Variants in CAPN1 observed in about 807,000 individuals in gnomAD.
The protein encoded by CAPN1 is calpain 1.
Under a neutral mutation model 105.2 loss-of-function variants are expected in CAPN1, and 77 were observed. The ratio of observed to expected loss-of-function variants is 0.73; its 90% CI spans 0.61 to 0.88. CAPN1 has a LOEUF of 0.88. Ranked by LOEUF, CAPN1 falls within the 40% of genes least tolerant of loss-of-function variation. The probability of loss-of-function intolerance (pLI) is 0.00; values close to 1 mark genes in which losing one functional copy is unlikely to be tolerated. For missense variants in CAPN1, 833 were observed against 976.6 expected (o/e 0.85, Z 1.96); for synonymous variants, 355 against 388.8 (o/e 0.91, Z 1.02).
At chr11:65,202,105 G>A (rs527642948) in intron 10 of CAPN1, among the ~76,000 whole-genome samples, 7 of 152,152 alleles carry the variant, frequency 4.6e-5, no homozygotes, top group South Asian at 2.1e-4. Flanking sequence ...GATTACAGGC[G>A]TGAGCCACTG....
intron 4 of CAPN1, among the ~76,000 whole-genome samples, chr11:65,184,564 G>A (rs964720496): frequency 3.7e-5 from 5 of 133,616 alleles, no homozygotes; most frequent in African/African-American, 1.4e-4. Flanking sequence ...CTTCGGCCCC[G>A]ACCCTGCCCT....
At chr11:65,187,604 G>T in intron 7 of CAPN1, 1 of 491,956 alleles carries the variant, frequency 2.0e-6, no homozygotes, top group Non-Finnish European at 3.7e-6. Context: ...GTGCGTGCAT[G>T]GGCCAGGTGC....
At chr11:65,199,520 C>G (rs959690360) in intron 10 of CAPN1, among the ~76,000 whole-genome samples, 1 of 152,166 alleles carries the variant, frequency 6.6e-6, no homozygotes, top group African/African-American at 2.4e-5. Context: ...AGAATATCAC[C>G]TCCTTCCCAC....
At chr11:65,181,684 C>T (rs532781711), upstream of CAPN1, 10 of 324,234 alleles carry the variant, frequency 3.1e-5, no homozygotes, top group South Asian at 8.4e-5. This position sits in a 1 kb window ranked among gnomAD's most constrained non-coding sequence, Gnocchi z 4.6. Flanking sequence ...CCCATCCCCC[C>T]CCGCGCTGGC....
chr11:65,189,393 C>T (rs945063122), intron 10 of CAPN1, among the ~76,000 whole-genome samples: 1 of 152,148 alleles, frequency 6.6e-6, no homozygotes, highest in Non-Finnish European at 1.5e-5. Flanking sequence ...ACAGCCTGGC[C>T]TCTCAGTTCC....
At chr11:65,211,029 G>T (rs891105247) in intron 21 of CAPN1, 157 bp downstream of exon 21, 3 of 776,928 alleles carry the variant, frequency 3.9e-6, no homozygotes, top group Non-Finnish European at 4.3e-6. Context: ...TGGGGTGGGG[G>T]TGTCTGGATT....
chr11:65,198,607 C>A (rs759234338), intron 10 of CAPN1, among the ~76,000 whole-genome samples: 3 of 152,110 alleles, frequency 2.0e-5, no homozygotes, highest in Non-Finnish European at 2.9e-5. Flanking sequence ...TTTGAGATAG[C>A]CCATGTTATT....
At chr11:65,207,596 G>C (rs979580676) in intron 14 of CAPN1, among the ~76,000 whole-genome samples, 1 of 151,840 alleles carries the variant, frequency 6.6e-6, no homozygotes, top group Non-Finnish European at 1.5e-5. Context: ...GGGCAGGAAC[G>C]AGATTCCCTT....
rs1266644320 is a variant in CAPN1, at chr11:65,183,115, G to A, written c.268-13G>A. On this transcript the variant is annotated splice_polypyrimidine_tract_variant and intron_variant, in intron 2 of 21. Coordinates refer to ENST00000279247, the MANE Select transcript of CAPN1 (RefSeq NM_005186.4). ...GGGGCTGGCCGAGGAACAGGACTCT[G>A]GGTCTCTCGTAGGAACTGCTGTCAA... is the stretch of plus-strand genomic sequence containing the variant. 11 of 1,613,592 alleles carry A rather than the reference G, an allele frequency of 6.8e-6. No individual in the cohort carries two copies. The highest frequency in any genetic ancestry group is 2.7e-5 in the African/African-American group (2 of 74,876).
At chr11:65,195,142 CT>C (rs1279968653) in intron 10 of CAPN1, among the ~76,000 whole-genome samples, 1 of 124,002 alleles carries the variant, frequency 8.1e-6, no homozygotes, top group Non-Finnish European at 1.6e-5. Context: ...CTGGATCTTG[CT>C]CTATCACCTA....
chr11:65,187,857 A>C (rs1303983554), intron 7 of CAPN1, 98 bp from the exon 8 acceptor site: 4 of 807,140 alleles, frequency 5.0e-6, no homozygotes, highest in Non-Finnish European at 8.3e-6. Context: ...GCACCACTGC[A>C]CTCCAGCCTG....
chr11:65,187,118 G>C, intron 6 of CAPN1, 97 bp from the exon 7 acceptor site: 1 of 822,332 alleles, frequency 1.2e-6, no homozygotes, highest in Non-Finnish European at 2.0e-6. Context: ...ACTGTTGTAT[G>C]TGCAAGTGGG....
chr11:65,192,984 CTTTT>C (rs769999096), intron 10 of CAPN1, among the ~76,000 whole-genome samples: 1 of 141,010 alleles, frequency 7.1e-6, no homozygotes, highest in African/African-American at 2.6e-5. Flanking sequence ...TTAATATACT[CTTTT>C]TTTTTTTTTT....
intron 4 of CAPN1, 64 bp from the exon 5 acceptor site, chr11:65,185,853 G>GCTT: frequency 6.6e-7 from 1 of 1,517,522 alleles, no homozygotes; most frequent in Non-Finnish European, 8.9e-7. Flanking sequence ...GAAGGTAGGG[G>GCTT]TAAGGATGGA....
chr11:65,184,836 A>G (rs1037757128), intron 4 of CAPN1, among the ~76,000 whole-genome samples: 4 of 152,166 alleles, frequency 2.6e-5, no homozygotes, highest in African/African-American at 9.7e-5. Flanking sequence ...GTGACTCCCT[A>G]AAGGCTTTGC....
chr11:65,195,719 A>G (rs1382345739), intron 10 of CAPN1, among the ~76,000 whole-genome samples: 2 of 152,072 alleles, frequency 1.3e-5, no homozygotes, highest in East Asian at 3.8e-4. Context: ...TGGTGTCTTT[A>G]TCTGGCTTTA....
intron 1 of CAPN1, 165 bp from the exon 2 acceptor site, chr11:65,182,536 C>A: frequency 1.5e-6 from 1 of 663,232 alleles, no homozygotes; most frequent in Non-Finnish European, 2.4e-6. Flanking sequence ...CTGGGAGCAC[C>A]GGGAGGTGGC....
In CAPN1 at chr11:65,187,971, A is replaced by G; in HGVS notation, c.860A>G (p.Gln287Arg). The G allele has an allele frequency of 6.4e-7, 1 of 1,561,134 alleles. No homozygotes were observed. Among genetic ancestry groups the G allele is most frequent in the East Asian group, 2.4e-5 (1 of 41,442 alleles). The stretch of plus-strand genomic sequence containing the variant: ...GGCAAATAGGTGAACTACCGAGGCC[A>G]GGTGGTGAGCCTGATCCGGATGCGG... ...TGAKQVNYRG[Q>R]VVSLIRMRNP... The change falls in exon 8 of 22, where the codon CAG becomes CGG. Residue 287 changes from glutamine (Q) to arginine (R), a missense_variant. Physicochemically the swap from Gln to Arg is conservative, Grantham distance 43 (BLOSUM62 1). Coordinates refer to ENST00000279247, the MANE Select transcript of CAPN1 (RefSeq NM_005186.4).
At chr11:65,186,377 C>T in intron 6 of CAPN1, 39 bp downstream of exon 6, 1 of 1,563,692 alleles carries the variant, frequency 6.4e-7, no homozygotes, top group East Asian at 2.3e-5. Context: ...TACCCTGGAA[C>T]CCTGGTATCC....
Sources: allele counts gnomAD v4.1 joint callset (sites outside exome capture counted in the v4.1 genomes callset), GRCh38; gene constraint gnomAD v4.1.1; non-coding constraint Gnocchi (gnomAD v3.1); transcripts MANE v1.5; gene names NCBI Gene and HGNC (gene_info 2026-07-23, HGNC 2026-07-21).